Variants in AK3 observed in about 807,000 individuals in gnomAD.
AK3 encodes the protein GTP:AMP phosphotransferase AK3, mitochondrial.
In AK3, 27 loss-of-function variants were observed where a neutral mutation model predicts 23.7. That is an observed-to-expected ratio of 1.14 (90% CI 0.84 to 1.57). AK3 has a LOEUF of 1.57. AK3 is among the 40% of genes most tolerant of loss of function. AK3 has a pLI of 0.00. For missense variants in AK3, 406 were observed against 285.6 expected (o/e 1.42, Z -3.04); for synonymous variants, 159 against 116.0 (o/e 1.37, Z -2.38).
chr9:4,726,984 C>T (rs576743914), intron 1 of AK3, among the ~76,000 whole-genome samples: 124 of 152,184 alleles, frequency 8.1e-4, no homozygotes, highest in Non-Finnish European at 1.5e-3. Context: ...TGACCAGGTG[C>T]ATTGTCAATG....
intron 1 of AK3, among the ~76,000 whole-genome samples, chr9:4,729,469 C>A (rs145941596): frequency 8.1e-4 from 123 of 152,064 alleles, no homozygotes; most frequent in Non-Finnish European, 1.4e-3. Context: ...AAGACCCTGT[C>A]TTGCAGGGAG....
At chr9:4,732,435 G>C (rs1283443366) in intron 1 of AK3, among the ~76,000 whole-genome samples, 2 of 152,126 alleles carry the variant, frequency 1.3e-5, no homozygotes, top group Non-Finnish European at 2.9e-5. Flanking sequence ...ACTACACTAG[G>C]AATCGGCAGC....
At chr9:4,739,821 C>A (rs1252220601) in intron 1 of AK3, among the ~76,000 whole-genome samples, 2 of 151,858 alleles carry the variant, frequency 1.3e-5, no homozygotes, top group Non-Finnish European at 2.9e-5. Flanking sequence ...GTCCCAGCTA[C>A]TAGGGAGGCT....
intron 2 of AK3, among the ~76,000 whole-genome samples, chr9:4,719,932 G>C (rs773172270): frequency 6.7e-6 from 1 of 148,790 alleles, no homozygotes; most frequent in Non-Finnish European, 1.5e-5. Flanking sequence ...TGGCATGATG[G>C]CAGGTCCCTG....
At chr9:4,713,152 G>A in intron 4 of AK3, 56 bp from the exon 5 acceptor site, 1 of 1,591,610 alleles carries the variant, frequency 6.3e-7, no homozygotes, top group Non-Finnish European at 8.5e-7. Context: ...TTCCTAATAA[G>A]CTCTTTCAAA....
At chr9:4,715,076 G>C (rs1328174205) in intron 4 of AK3, among the ~76,000 whole-genome samples, 1 of 151,866 alleles carries the variant, frequency 6.6e-6, no homozygotes, top group Non-Finnish European at 1.5e-5. Context: ...AAAATTAGCA[G>C]GACATGGTGG....
intron 1 of AK3, among the ~76,000 whole-genome samples, chr9:4,724,515 G>A (rs1481796548): frequency 6.6e-6 from 1 of 152,146 alleles, no homozygotes; most frequent in East Asian, 1.9e-4. Context: ...AATTAGTCCA[G>A]AAAAAGAAAT....
At chr9:4,719,013 C>A in intron 3 of AK3, 122 bp downstream of exon 3, 2 of 1,142,482 alleles carry the variant, frequency 1.8e-6, no homozygotes, top group Non-Finnish European at 2.5e-6. Context: ...TACCAAGTAA[C>A]CTGAGAATAT....
At chr9:4,730,527 C>T (rs932099928) in intron 1 of AK3, among the ~76,000 whole-genome samples, 6 of 152,108 alleles carry the variant, frequency 3.9e-5, no homozygotes, top group Admixed American at 3.3e-4. Flanking sequence ...TGCTTGAGCC[C>T]AGGAGGTCAA....
intron 1 of AK3, among the ~76,000 whole-genome samples, chr9:4,726,348 G>A (rs1457755169): frequency 3.3e-5 from 5 of 152,174 alleles, no homozygotes; most frequent in Admixed American, 2.6e-4. Flanking sequence ...ATCCACAGTA[G>A]AACTTCTTTC....
intron 1 of AK3, among the ~76,000 whole-genome samples, chr9:4,725,608 A>T (rs1842006463): frequency 6.6e-6 from 1 of 152,108 alleles, no homozygotes; most frequent in South Asian, 2.1e-4. Flanking sequence ...ATCTCTTAAA[A>T]AAGAAACGAA....
intron 1 of AK3, among the ~76,000 whole-genome samples, chr9:4,728,834 T>TAC (rs2130898485): frequency 1.3e-5 from 1 of 74,840 alleles, no homozygotes; most frequent in South Asian, 4.8e-4. Flanking sequence ...TGTCTCTACA[T>TAC]ATATATATAT....
intron 1 of AK3, among the ~76,000 whole-genome samples, chr9:4,737,384 A>C (rs1431555409): frequency 6.6e-6 from 1 of 152,196 alleles, no homozygotes; most frequent in East Asian, 1.9e-4. Context: ...GGAGAAATCT[A>C]TGTTTTCACC....
chr9:4,716,913 A>G (rs1841751832), intron 4 of AK3, among the ~76,000 whole-genome samples: 1 of 152,244 alleles, frequency 6.6e-6, no homozygotes, highest in Non-Finnish European at 1.5e-5. Context: ...CCTGGGTGAC[A>G]GAGTGAGACC....
In AK3 at chr9:4,712,992, G is replaced by A. The variant is rs1038405175; in HGVS notation, c.668C>T (p.Ala223Val). The change falls in exon 5 of 5, where the codon GCT becomes GTT. Residue 223 changes from alanine to valine, a missense_variant. Transcript: ENST00000381809. ...CATTTCTCCTCATGGAGTAACTGAA[G>A]CTTTCTGGCTTCTTTGTGGAACTTT... ...QTKVPQRSQK[A>V]SVTP is the part of the protein sequence containing the mutation. The A allele has an allele frequency of 5.6e-6, 9 of 1,613,386 alleles. No homozygotes were observed. In the Admixed American group the frequency reaches 1.2e-4, roughly 21 times the overall value.
chr9:4,734,131 C>T (rs142033519), intron 1 of AK3, among the ~76,000 whole-genome samples: 4 of 152,140 alleles, frequency 2.6e-5, no homozygotes, highest in Non-Finnish European at 4.4e-5. Context: ...TGGGAGGGCA[C>T]TAATCCAATA....
At chr9:4,720,042 G>T (rs2989447) in intron 2 of AK3, among the ~76,000 whole-genome samples, 1 of 152,208 alleles carries the variant, frequency 6.6e-6, no homozygotes, top group Non-Finnish European at 1.5e-5. Context: ...TCCAGCCTGG[G>T]TGACAGAGCA....
intron 1 of AK3, among the ~76,000 whole-genome samples, chr9:4,730,565 T>G (rs917080957): frequency 2.6e-5 from 4 of 152,180 alleles, no homozygotes; most frequent in African/African-American, 9.6e-5. Flanking sequence ...ACCGCACTAC[T>G]GCACTCCAGC....
At chr9:4,738,231 T>A (rs1343876186) in intron 1 of AK3, among the ~76,000 whole-genome samples, 2 of 152,224 alleles carry the variant, frequency 1.3e-5, no homozygotes, top group African/African-American at 4.8e-5. Flanking sequence ...AATGGCGCCA[T>A]CTCGGCTCGC....
Sources: allele counts gnomAD v4.1 joint callset (sites outside exome capture counted in the v4.1 genomes callset), GRCh38; gene constraint gnomAD v4.1.1; transcripts MANE v1.5; gene names NCBI Gene and HGNC (gene_info 2026-07-23, HGNC 2026-07-21).